The following SNX31 variants were observed in gnomAD, a reference collection of about 807,000 sequenced individuals.
The protein encoded by SNX31 is sorting nexin-31.
A neutral mutation model predicts 65.4 loss-of-function variants in SNX31; 58 were observed. The observed-to-expected ratio is 0.89, with a 90% CI of 0.72 to 1.10. SNX31 has a LOEUF of 1.10. Among genes scored for constraint, SNX31 ranks in the 50% least tolerant of loss-of-function variants. SNX31 has a pLI of 0.00. For synonymous variants in SNX31, 181 were observed against 190.1 expected, an observed-to-expected ratio of 0.95 and a Z score of 0.39; for missense variants, 523 against 529.7, an observed-to-expected ratio of 0.99 and a Z score of 0.12.
chr8:100,600,040 G>A (rs1420001069), intron 9 of SNX31, among the ~76,000 whole-genome samples: 1 of 152,024 alleles, frequency 6.6e-6, no homozygotes, highest in Non-Finnish European at 1.5e-5. Flanking sequence ...ATAGAAAAGT[G>A]GTTAGCCAAA....
chr8:100,644,039 C>G (rs964263247), intron 2 of SNX31, among the ~76,000 whole-genome samples: 1 of 152,048 alleles, frequency 6.6e-6, no homozygotes, highest in Non-Finnish European at 1.5e-5. Flanking sequence ...AGGAGTCATC[C>G]CAGGCAGAGG....
At chr8:100,643,600 C>G (rs1819423077) in intron 2 of SNX31, among the ~76,000 whole-genome samples, 1 of 152,122 alleles carries the variant, frequency 6.6e-6, no homozygotes. Context: ...GACAGATCCT[C>G]AGCACCATGA....
In SNX31 at chr8:100,596,665, C is replaced by A; in HGVS notation, c.952G>T (p.Val318Leu). 3.1e-6 allele frequency: 5 copies of A among 1,614,168 alleles called. No individual in the cohort carries two copies. Among genetic ancestry groups the A allele is most frequent in the South Asian group, 1.1e-5 (1 of 91,078 alleles). Residue 318 changes from valine to leucine, a missense_variant, in exon 10 of 14, where the codon GTG (valine) becomes TTG (leucine). Transcript: ENST00000311812. ...TQDIVFQMSR[V>L]KCWQVTFLGT... is the part of the protein sequence containing the mutation. ...AGGAAAGTGACCTGCCAGCACTTCA[C>A]CCTGCTCATCTGGAAAACGATGTCC...
intron 8 of SNX31, among the ~76,000 whole-genome samples, chr8:100,608,046 T>C (rs1816337391): frequency 6.6e-6 from 1 of 152,242 alleles, no homozygotes; most frequent in Non-Finnish European, 1.5e-5. Flanking sequence ...ATATCCTTTC[T>C]AGGCTCATGA....
Position 100,610,522 on chromosome 8 carries a change from A to G in SNX31, c.611+1478T>C, listed in dbSNP as rs148906587. Among the ~76,000 whole-genome samples the G allele has an allele frequency of 3.8e-4, 58 of 152,350 alleles. No homozygotes were observed. Among genetic ancestry groups the G allele is most frequent in the African/African-American group, 1.2e-3 (49 of 41,592 alleles). The stretch of plus-strand genomic sequence containing the variant: ...TTTATTATTCCCATTTTACAGATAA[A>G]GAAACTGAGGCTTAGAGAGCTTGAA... On this transcript the variant is annotated intron_variant, in intron 7 of 13. Coordinates refer to ENST00000311812, the MANE Select transcript of SNX31 (RefSeq NM_152628.4). The surrounding 1 kb of genome is among the most constrained non-coding windows in gnomAD (Gnocchi z 4.0).
At position 100,626,055 on chromosome 8, in the gene SNX31, C is replaced by T. The variant is rs1219968424; in HGVS notation, c.321+4272G>A. Among the ~76,000 whole-genome samples the T allele has an allele frequency of 6.6e-6, 1 of 152,038 alleles. No homozygotes were observed. Among genetic ancestry groups the T allele is most frequent in the Non-Finnish European group, 1.5e-5 (1 of 68,010 alleles). On this transcript the variant is annotated intron_variant, in intron 4 of 13. Transcript: ENST00000311812. The surrounding 1 kb of genome is among the most constrained non-coding windows in gnomAD (Gnocchi z 4.4). ...CAGCCTGACCAACATGGAGAAACCC[C>T]ATCTCTACTAAAATACAAAAATTAA...
intron 8 of SNX31, among the ~76,000 whole-genome samples, chr8:100,608,159 G>A (rs1044954150): frequency 6.6e-6 from 1 of 151,988 alleles, no homozygotes; most frequent in Non-Finnish European, 1.5e-5. Context: ...TATTGTTATC[G>A]TGGTAAAATA....
chr8:100,649,267 T>G lies in SNX31; in HGVS notation c.141+7A>C, dbSNP rs777342758. On this transcript the variant is annotated splice_region_variant and intron_variant, in intron 2 of 13. Coordinates refer to ENST00000311812, the MANE Select transcript of SNX31 (RefSeq NM_152628.4). ...GATGGGCTCGTACCCGCCTCCAATC[T>G]GCTCACCTGTTCGTTCCAACCGTGC... is the stretch of plus-strand genomic sequence containing the variant. The G allele has an allele frequency of 6.2e-7, 1 of 1,613,848 alleles. No homozygotes were observed. The highest frequency in any genetic ancestry group is 1.1e-5 in the South Asian group (1 of 91,078).
intron 2 of SNX31, among the ~76,000 whole-genome samples, chr8:100,644,000 A>G (rs34601110): frequency 0.48 from 73,146 of 151,966 alleles, 17,909 homozygotes; most frequent in African/African-American, 0.56. Flanking sequence ...TTGAGAAACG[A>G]TTGCTCCCTT....
chr8:100,650,361 AC>A (rs1202369298), upstream of SNX31, among the ~76,000 whole-genome samples: 3 of 151,946 alleles, frequency 2.0e-5, no homozygotes, highest in Non-Finnish European at 2.9e-5. Context: ...CCTTTAATCT[AC>A]CCGTAACTCT....
At chr8:100,655,252 C>A (rs550450869) in intron 1 of SNX31, among the ~76,000 whole-genome samples, 13 of 152,088 alleles carry the variant, frequency 8.5e-5, no homozygotes, top group Non-Finnish European at 1.6e-4. Flanking sequence ...GAGAGAGATT[C>A]TTCAGGAAGA....
In SNX31 at chr8:100,600,360, T is replaced by G. The variant is rs756914281; in HGVS notation, c.763A>C (p.Ser255Arg). Residue 255 changes from serine (S) to arginine (R), a missense_variant, in exon 9 of 14, where the codon AGT becomes CGT. Transcript: ENST00000311812. ...AATATTTGATTCACCTTTGTTTGAC[T>G]GTCTTCTTTCTGGAAAGCTTCTAAT... The part of the protein sequence containing the change: ...QKLEAFQKED[S>R]QTKFLELARE... 2 of 1,613,568 alleles carry G rather than the reference T, an allele frequency of 1.2e-6. No individual in the cohort carries two copies. Among genetic ancestry groups the G allele is most frequent in the South Asian group, 2.2e-5 (2 of 91,024 alleles).
chr8:100,575,754 G>A lies in SNX31; in HGVS notation c.1227+1265C>T, dbSNP rs1383529874. ...CCACACACTGAGAACTGGTGTTCTA[G>A]GATAATGGTTCCAATTCTGGTTGTA... On this transcript the variant is annotated intron_variant, in intron 13 of 13. Transcript: ENST00000311812. This position sits in a 1 kb window ranked among gnomAD's most constrained non-coding sequence, Gnocchi z 5.1. Among the ~76,000 whole-genome samples, 2 of 152,178 alleles carry A rather than the reference G, an allele frequency of 1.3e-5. No homozygotes were observed. Among genetic ancestry groups the A allele is most frequent in the Non-Finnish European group, 2.9e-5 (2 of 68,034 alleles).
chr8:100,602,130 C>T (rs1375811149), intron 8 of SNX31, among the ~76,000 whole-genome samples: 1 of 152,220 alleles, frequency 6.6e-6, no homozygotes, highest in African/African-American at 2.4e-5. Flanking sequence ...TGTGCCTTGC[C>T]CAGTGTCTTA....
intron 10 of SNX31, among the ~76,000 whole-genome samples, chr8:100,595,174 G>A (rs1159166358): frequency 6.6e-6 from 1 of 152,110 alleles, no homozygotes; most frequent in African/African-American, 2.4e-5. Context: ...CGTTTCAAAG[G>A]GCTAAGATCA....
rs1195361810 is a variant in SNX31 at position 100,588,979 on chromosome 8, C to A, written c.979G>T (p.Gly327Ter). The A allele has an allele frequency of 6.2e-7, 1 of 1,607,740 alleles. No homozygotes were observed. Among genetic ancestry groups the A allele is most frequent in the Non-Finnish European group, 8.5e-7 (1 of 1,175,586 alleles). Reference sequence around the variant, plus strand: ...GGCCCATCCGTATCCAGCAGAGTTCCCTACAAAGGAAAATATTTTATATTC... The same window carrying A: ...GGCCCATCCGTATCCAGCAGAGTTCACTACAAAGGAAAATATTTTATATTC... ...RVKCWQVTFL[G>*]TLLDTDGPQR... The change falls in exon 11 of 14, where the codon GGA becomes TGA. Residue 327 changes from glycine to a stop codon, truncating the protein, a stop_gained and splice_region_variant. Transcript: ENST00000311812. LOFTEE classifies it high-confidence loss of function. The surrounding 1 kb of genome is among the most constrained non-coding windows in gnomAD (Gnocchi z 4.8).
intron 8 of SNX31, among the ~76,000 whole-genome samples, chr8:100,601,850 G>A (rs1194437321): frequency 1.3e-5 from 2 of 152,208 alleles, no homozygotes; most frequent in East Asian, 3.9e-4. Flanking sequence ...GAAGCAACAT[G>A]AAACGTGGAA....
rs528055889 is a variant in SNX31, at chr8:100,612,325, T to C, written c.524-238A>G. ...GGGGTGTTTTACACTGTGATATAGA[T>C]GAAAAAATAGATCCGGAGACATCCA... is the stretch of plus-strand genomic sequence containing the variant. On this transcript the variant is annotated intron_variant, in intron 6 of 13. Coordinates refer to ENST00000311812, the MANE Select transcript of SNX31 (RefSeq NM_152628.4). This position sits in a 1 kb window ranked among gnomAD's most constrained non-coding sequence, Gnocchi z 4.3. Among the ~76,000 whole-genome samples the C allele has an allele frequency of 6.6e-6, 1 of 152,020 alleles. No homozygotes were observed. The highest frequency in any genetic ancestry group is 1.9e-4 in the East Asian group (1 of 5,164).
At chr8:100,661,362 GAGGTTCAGAGGATTAGA>G (rs1417902097) in intron 1 of SNX31, among the ~76,000 whole-genome samples, 3 of 151,886 alleles carry the variant, frequency 2.0e-5, no homozygotes, top group African/African-American at 7.3e-5. Context: ...AAGGCCCAGA[GAGGTTCAGAGGATTAGA>G]AAGTTATAGA....
Sources: gnomAD v4.1 joint callset for allele counts (sites outside exome capture counted in the v4.1 genomes callset) on GRCh38, gnomAD v4.1.1 for gene constraint, Gnocchi (gnomAD v3.1) non-coding constraint, MANE v1.5 for transcripts, NCBI Gene and HGNC (gene_info 2026-07-23, HGNC 2026-07-21) for gene names.